NRXN1: variants seen among roughly 807,000 people sequenced by gnomAD.
NRXN1 encodes the protein neurexin 1, also known as neurexin-1.
Under a neutral mutation model 150.9 loss-of-function variants are expected in NRXN1, and 39 were observed. That is an observed-to-expected ratio of 0.26 (90% CI 0.20 to 0.34). The LOEUF (loss-of-function observed/expected upper bound fraction) is 0.34. Among genes scored for constraint, NRXN1 ranks in the 10% least tolerant of loss-of-function variants. The pLI is 1.00. For synonymous variants in NRXN1, 924 were observed against 757.0 expected (o/e 1.22, Z -3.62); for missense variants, 1,815 against 1,949.9 (o/e 0.93, Z 1.30).
chr2:50,852,414 G>A lies in NRXN1; in HGVS notation c.832+69455C>T, dbSNP rs531933211. 2.9e-4 allele frequency among the ~76,000 whole-genome samples: 44 copies of A among 152,104 alleles called. 1 individual carries two copies. The highest frequency in any genetic ancestry group is 8.2e-4 in the African/African-American group (34 of 41,502). ...TTATTTCATTTTCTTTTGTTGTTACGTTAAAATAATCAAAAAATAGTTTTT... is the reference window on the plus strand; with the variant it reads ...TTATTTCATTTTCTTTTGTTGTTACATTAAAATAATCAAAAAATAGTTTTT... On this transcript the variant is annotated intron_variant, in intron 5 of 22. Transcript: ENST00000401669.
intron 17 of NRXN1, among the ~76,000 whole-genome samples, chr2:50,357,144 G>A (rs967204114): frequency 1.3e-5 from 2 of 151,970 alleles, no homozygotes; most frequent in Admixed American, 1.3e-4. Context: ...GTAGAGGCAT[G>A]GTGGTATATA....
chr2:50,764,706 A>G (rs151258451), intron 5 of NRXN1, among the ~76,000 whole-genome samples: 207 of 152,054 alleles, frequency 1.4e-3, no homozygotes, highest in Admixed American at 5.1e-3. Context: ...ATTATGACAC[A>G]TTGTCTCCAA....
At chr2:50,487,954 T>C (rs973529502) in intron 15 of NRXN1, among the ~76,000 whole-genome samples, 25 of 152,166 alleles carry the variant, frequency 1.6e-4, no homozygotes, top group African/African-American at 5.3e-4. Context: ...CCTCATGTAC[T>C]CCCTATGTAT....
At chr2:50,813,003 A>G (rs986721349) in intron 5 of NRXN1, among the ~76,000 whole-genome samples, 2 of 152,102 alleles carry the variant, frequency 1.3e-5, no homozygotes, top group Admixed American at 6.5e-5. Flanking sequence ...CAGTTTGGGC[A>G]ACACAGTGAG....
intron 5 of NRXN1, among the ~76,000 whole-genome samples, chr2:50,903,953 A>G (rs1449250738): frequency 6.6e-6 from 1 of 152,112 alleles, no homozygotes; most frequent in Admixed American, 6.6e-5. Context: ...AAAATAAGAG[A>G]CCCTTCCTTT....
At chr2:50,947,179 C>G (rs1389213806) in intron 2 of NRXN1, among the ~76,000 whole-genome samples, 1 of 152,012 alleles carries the variant, frequency 6.6e-6, no homozygotes, top group African/African-American at 2.4e-5. Context: ...CCCTTTGGAG[C>G]TAAACATAAA....
chr2:50,322,868 C>T (rs919734951), intron 17 of NRXN1, among the ~76,000 whole-genome samples: 1 of 152,062 alleles, frequency 6.6e-6, no homozygotes, highest in Non-Finnish European at 1.5e-5. Context: ...TATAATAAGC[C>T]GACTAACATT....
chr2:50,506,656 A>G, intron 12 of NRXN1, 39 bp from the exon 13 acceptor site: 1 of 1,605,952 alleles, frequency 6.2e-7, no homozygotes, highest in Non-Finnish European at 8.5e-7. Flanking sequence ...GACACTCAGA[A>G]TCAGTCAAGC....
intron 17 of NRXN1, among the ~76,000 whole-genome samples, chr2:50,386,533 T>C (rs2081339655): frequency 6.6e-6 from 1 of 152,110 alleles, no homozygotes; most frequent in African/African-American, 2.4e-5. Context: ...GATTATAGAC[T>C]AATAAGATGA....
intron 15 of NRXN1, among the ~76,000 whole-genome samples, chr2:50,482,800 A>G (rs112923168): frequency 0.055 from 8,353 of 152,174 alleles, 807 homozygotes; most frequent in African/African-American, 0.19. Context: ...ACAGAATGCA[A>G]TAAAGAATCT....
intron 18 of NRXN1, among the ~76,000 whole-genome samples, chr2:50,167,859 G>A (rs1466645536): frequency 6.6e-6 from 1 of 152,110 alleles, no homozygotes; most frequent in Non-Finnish European, 1.5e-5. Flanking sequence ...CTATGGTCCA[G>A]GATTACATGC....
rs180764029 is a variant in NRXN1, at chr2:50,791,537, T to G, written c.832+130332A>C. Among the ~76,000 whole-genome samples the G allele has an allele frequency of 2.6e-3, 392 of 152,240 alleles. 1 individual carries two copies. The highest frequency in any genetic ancestry group is 8.8e-3 in the African/African-American group (364 of 41,552). On this transcript the variant is annotated intron_variant, in intron 5 of 22. Transcript: ENST00000401669. The stretch of plus-strand genomic sequence containing the variant: ...TCCTCTTGCTTTGGGGCTTTTCCCT[T>G]CAGTTTGGTCTTTAGTATGTACTCC...
chr2:49,940,414 G>C (rs930867493), intron 22 of NRXN1, among the ~76,000 whole-genome samples: 6 of 152,124 alleles, frequency 3.9e-5, no homozygotes, highest in Non-Finnish European at 5.9e-5. Flanking sequence ...AATAACAGCA[G>C]CAGCTACAAT....
intron 17 of NRXN1, among the ~76,000 whole-genome samples, chr2:50,373,659 AAAGAAAG>A (rs1471441494): frequency 1.0e-5 from 1 of 97,188 alleles, no homozygotes; most frequent in Non-Finnish European, 2.1e-5. Context: ...AGAAAGAAAG[AAAGAAAG>A]AAAGAAAGAA....
chr2:50,409,722 C>A (rs902546218), intron 17 of NRXN1, among the ~76,000 whole-genome samples: 5 of 152,198 alleles, frequency 3.3e-5, no homozygotes, highest in African/African-American at 1.2e-4. Context: ...GATGAAATTT[C>A]AAGTTCACTA....
intron 18 of NRXN1, among the ~76,000 whole-genome samples, chr2:50,160,654 T>A (rs1298866507): frequency 6.6e-6 from 1 of 152,070 alleles, no homozygotes; most frequent in Non-Finnish European, 1.5e-5. Flanking sequence ...ACCTTAAAGA[T>A]TGCTCAAAAA....
chr2:50,605,001 G>A (rs1676864695), intron 8 of NRXN1, among the ~76,000 whole-genome samples: 1 of 152,162 alleles, frequency 6.6e-6, no homozygotes, highest in Non-Finnish European at 1.5e-5. Flanking sequence ...TACAACAGAT[G>A]TCTTAGGGCT....
At chr2:50,657,913 T>G (rs1383084671) in intron 5 of NRXN1, among the ~76,000 whole-genome samples, 1 of 151,986 alleles carries the variant, frequency 6.6e-6, no homozygotes, top group African/African-American at 2.4e-5. Flanking sequence ...TTATTAGGTT[T>G]CTGCTTCTAT....
At chr2:50,344,963 C>T (rs896626985) in intron 17 of NRXN1, among the ~76,000 whole-genome samples, 5 of 152,216 alleles carry the variant, frequency 3.3e-5, no homozygotes, top group African/African-American at 1.2e-4. Flanking sequence ...CCTCAGGACT[C>T]ACACAATTCT....
Sources: gnomAD v4.1 joint callset for allele counts (sites outside exome capture counted in the v4.1 genomes callset) on GRCh38, gnomAD v4.1.1 for gene constraint, MANE v1.5 for transcripts, NCBI Gene and HGNC (gene_info 2026-07-23, HGNC 2026-07-21) for gene names.